IFRD2: variants seen among roughly 807,000 people sequenced by gnomAD.
IFRD2 encodes interferon-related developmental regulator 2.
IFRD2 carries 35 observed loss-of-function variants against 49.2 expected under a neutral mutation model. The ratio of observed to expected loss-of-function variants is 0.71; its 90% CI spans 0.54 to 0.94. The LOEUF (loss-of-function observed/expected upper bound fraction) is 0.94. IFRD2 is among the 40% of genes least tolerant of loss of function. The pLI is 0.00. For synonymous variants in IFRD2, 275 were observed against 239.7 expected (o/e 1.15, Z -1.36); for missense variants, 561 against 591.6 (o/e 0.95, Z 0.54).
At chr3:50,289,670 C>A in intron 6 of IFRD2, 42 bp from the exon 7 acceptor site, 1 of 1,594,956 alleles carries the variant, frequency 6.3e-7, no homozygotes, top group Non-Finnish European at 8.5e-7. Context: ...GGCAGAGTTA[C>A]AGCCCTAGAT....
rs1222453128 is a variant in IFRD2, at chr3:50,288,209, C to T, written c.1311G>A (p.Lys437=). Residue 437 remains lysine, a synonymous_variant, in exon 12 of 12, where the codon AAG becomes AAA. Transcript: ENST00000417626. Reference sequence around the variant, plus strand: ...TCCTGCTTCACAGGATGTCTGCCCGCTTGTCCCGCACACGGCTTCGAGCCT... The same window carrying T: ...TCCTGCTTCACAGGATGTCTGCCCGTTTGTCCCGCACACGGCTTCGAGCCT... ...RTKARSRVRD[K]RADIL 3 of 1,613,876 alleles carry T rather than the reference C, an allele frequency of 1.9e-6. No individual in the cohort carries two copies. The highest frequency in any genetic ancestry group is 2.5e-6 in the Non-Finnish European group (3 of 1,179,788).
At position 50,290,651 on chromosome 3, in the gene IFRD2, C is replaced by T. The variant is rs782241789; in HGVS notation, c.87G>A (p.Ser29=). Residue 29 remains serine (S), a synonymous_variant, in exon 2 of 12, where the codon TCG becomes TCA. Coordinates refer to ENST00000417626, the MANE Select transcript of IFRD2 (RefSeq NM_006764.5). The stretch of plus-strand genomic sequence containing the variant: ...TGGCTGCCTCATCGTCACTGGAACC[C>T]GAGTCAGCTTGGGCACTGCTCCGGG... ...GGARSSAQAD[S]GSSDDEAASE... 1.3e-4 allele frequency: 202 copies of T among 1,613,792 alleles called. No individual in the cohort carries two copies. The highest frequency in any genetic ancestry group is 2.7e-4 in the East Asian group (12 of 44,904).
At chr3:50,292,105 G>A in intron 1 of IFRD2, 112 bp downstream of exon 1, 1 of 1,175,238 alleles carries the variant, frequency 8.5e-7, no homozygotes. Flanking sequence ...GAAGCTGCGT[G>A]GGGCTGGCCG....
chr3:50,292,036 T>G, intron 1 of IFRD2, 181 bp downstream of exon 1: 1 of 637,414 alleles, frequency 1.6e-6, no homozygotes, highest in Non-Finnish European at 2.5e-6. Context: ...CGAGCTCAAG[T>G]TGGGCACGCA....
At position 50,289,279 on chromosome 3, in the gene IFRD2, G is replaced by C; in HGVS notation, c.861C>G (p.Leu287=). 1 of 1,587,432 alleles carries C rather than the reference G, an allele frequency of 6.3e-7. No individual in the cohort carries two copies. Among genetic ancestry groups the C allele is most frequent in the Non-Finnish European group, 8.6e-7 (1 of 1,167,136 alleles). ...CCTCAAGGTCCCGGGCAAGCTCAAA[G>C]AGCAGTGCAATGGTTTCACCGGCAG... ...RIAAGETIAL[L]FELARDLEEE... The change falls in exon 8 of 12, where the codon CTC becomes CTG. Residue 287 remains leucine, a synonymous_variant. Coordinates refer to ENST00000417626, the MANE Select transcript of IFRD2 (RefSeq NM_006764.5).
intron 1 of IFRD2, chr3:50,291,923 C>CT: frequency 2.2e-6 from 1 of 449,430 alleles, no homozygotes; most frequent in Non-Finnish European, 3.9e-6. Context: ...GGACTGGCTT[C>CT]CTGCCCTGTC....
At chr3:50,291,447 G>A (rs1323798544) in intron 1 of IFRD2, among the ~76,000 whole-genome samples, 2 of 152,060 alleles carry the variant, frequency 1.3e-5, no homozygotes. Context: ...GACTCACCCA[G>A]AAGCACTTCC....
intron 1 of IFRD2, among the ~76,000 whole-genome samples, chr3:50,291,091 C>A (rs894728591): frequency 6.7e-6 from 1 of 149,846 alleles, no homozygotes; most frequent in African/African-American, 2.5e-5. Flanking sequence ...CGGCTCACTG[C>A]GACCTCTGCC....
At position 50,290,372 on chromosome 3, in the gene IFRD2, T is replaced by C; in HGVS notation, c.263+16A>G. On this transcript the variant is annotated intron_variant, in intron 3 of 11. Coordinates refer to ENST00000417626, the MANE Select transcript of IFRD2 (RefSeq NM_006764.5). ...CTTGGAGCTGGGTGTAGGAGTTGGC[T>C]GGCAGCCAGGGGTACCTCTTGTCTG... The C allele has an allele frequency of 6.3e-7, 1 of 1,589,858 alleles. No homozygotes were observed. Among genetic ancestry groups the C allele is most frequent in the Non-Finnish European group, 8.6e-7 (1 of 1,167,824 alleles).
chr3:50,291,092 G>A (rs1236607434), intron 1 of IFRD2, among the ~76,000 whole-genome samples: 1 of 146,976 alleles, frequency 6.8e-6, no homozygotes, highest in Non-Finnish European at 1.5e-5. Context: ...GGCTCACTGC[G>A]ACCTCTGCCT....
At position 50,290,573 on chromosome 3, in the gene IFRD2, T is replaced by C. The variant is rs782155853; in HGVS notation, c.165A>G (p.Ala55=). 3 of 1,613,864 alleles carry C rather than the reference T, an allele frequency of 1.9e-6. No homozygotes were observed. The highest frequency in any genetic ancestry group is 2.5e-6 in the Non-Finnish European group (3 of 1,179,884). The change falls in exon 2 of 12, where the codon GCA becomes GCG. Residue 55 remains alanine (A), a synonymous_variant. Transcript: ENST00000417626. The stretch of plus-strand genomic sequence containing the variant: ...ACCCGCTCTCACCAAGGCTGTCCTC[T>C]GCAGTGGTGCTGAGAAGGCTGGGGC... ...SECPSLLSTT[A]EDSLGGDVVD...
rs1553709135 is a variant in IFRD2 at position 50,288,933 on chromosome 3, T to C, written c.890A>G (p.Glu297Gly). 1.9e-6 allele frequency: 3 copies of C among 1,612,112 alleles called. No homozygotes were observed. Among genetic ancestry groups the C allele is most frequent in the Non-Finnish European group, 1.7e-6 (2 of 1,178,974 alleles). ...GGCCTCCATGTCCTCGTAAACAAAC[T>C]CCTCCTGCAATGGGAGCATTGGAGG... ...LFELARDLEE[E>G]FVYEDMEALC... Residue 297 changes from glutamate to glycine, a missense_variant, in exon 9 of 12, where the codon GAG becomes GGG. By Grantham distance (98) the Glu-to-Gly change is moderately conservative. Transcript: ENST00000417626.
intron 11 of IFRD2, 39 bp from the exon 12 acceptor site, chr3:50,288,310 G>A: frequency 9.3e-6 from 15 of 1,608,288 alleles, no homozygotes; most frequent in Non-Finnish European, 1.3e-5. Context: ...GGGGAGCTGG[G>A]AAGGGAAAGG....
At position 50,292,391 on chromosome 3, in the gene IFRD2, C is replaced by A. The variant is rs1553709973; in HGVS notation, c.-117G>T. The A allele has an allele frequency of 3.2e-6, 5 of 1,586,342 alleles. No homozygotes were observed. The highest frequency in any genetic ancestry group is 2.3e-5 in the South Asian group (2 of 88,844). On this transcript the variant is annotated 5_prime_UTR_variant, in exon 1 of 12. Coordinates refer to ENST00000417626, the MANE Select transcript of IFRD2 (RefSeq NM_006764.5). Reference sequence around the variant, plus strand: ...ACTTGGCCAGACGACGGGAGCCACACGCCACGCGCGCCACCATCTTCGCGA... The same window carrying A: ...ACTTGGCCAGACGACGGGAGCCACAAGCCACGCGCGCCACCATCTTCGCGA...
At chr3:50,291,604 G>A (rs1701674654) in intron 1 of IFRD2, among the ~76,000 whole-genome samples, 1 of 152,096 alleles carries the variant, frequency 6.6e-6, no homozygotes, top group African/African-American at 2.4e-5. Context: ...TCCTGTGCCC[G>A]GCCCTCCTCC....
chr3:50,289,645 G>A lies in IFRD2; in HGVS notation c.598-17C>T. The A allele has an allele frequency of 6.3e-7, 1 of 1,598,062 alleles. No homozygotes were observed. The highest frequency in any genetic ancestry group is 2.3e-5 in the East Asian group (1 of 44,110). Reference sequence around the variant, plus strand: ...GACCAGGTCCTAGGAGCACAGAGAGGCAGGGGAGCTCAGAGGCAGAGTTAC... The same window carrying A: ...GACCAGGTCCTAGGAGCACAGAGAGACAGGGGAGCTCAGAGGCAGAGTTAC... On this transcript the variant is annotated splice_polypyrimidine_tract_variant and intron_variant, in intron 6 of 11. Coordinates refer to ENST00000417626, the MANE Select transcript of IFRD2 (RefSeq NM_006764.5).
rs1330576878 is a variant in IFRD2 at position 50,290,636 on chromosome 3, ATC to A, written c.100_101del (p.Asp34Ter). 1 of 1,613,802 alleles carries A rather than the reference ATC, an allele frequency of 6.2e-7. No homozygotes were observed. The highest frequency in any genetic ancestry group is 2.2e-5 in the East Asian group (1 of 44,904). On this transcript the variant is annotated frameshift_variant, in exon 2 of 12. Coordinates refer to ENST00000417626, the MANE Select transcript of IFRD2 (RefSeq NM_006764.5). LOFTEE classifies it high-confidence loss of function. Reference sequence around the variant, plus strand: ...TGCTGCGGGCCTCACTGGCTGCCTCATCGTCACTGGAACCCGAGTCAGCTTGG... The same window carrying A: ...TGCTGCGGGCCTCACTGGCTGCCTCAGTCACTGGAACCCGAGTCAGCTTGG... ...SAQADSGSSD[D>X]EAASEARSTA... is the part of the protein sequence containing the mutation.
rs1553709992 is a variant in IFRD2 at position 50,292,413 on chromosome 3, GC to G, written c.-140del. The G allele has an allele frequency of 6.3e-7, 1 of 1,595,668 alleles. No homozygotes were observed. The highest frequency in any genetic ancestry group is 1.7e-5 in the Admixed American group (1 of 58,976). ...ACACGCCACGCGCGCCACCATCTTC[GC>G]GAGGCGCCCCGCCCTGCCAAACAGG... On this transcript the variant is annotated 5_prime_UTR_variant, in exon 1 of 12. Transcript: ENST00000417626.
At chr3:50,291,484 TG>T (rs1553709803) in intron 1 of IFRD2, among the ~76,000 whole-genome samples, 3 of 152,142 alleles carry the variant, frequency 2.0e-5, no homozygotes. Flanking sequence ...GTCCTAAGTC[TG>T]GGGCTGACAC....
Sources: gnomAD v4.1 joint callset for allele counts (sites outside exome capture counted in the v4.1 genomes callset) on GRCh38, gnomAD v4.1.1 for gene constraint, MANE v1.5 for transcripts, NCBI Gene and HGNC (gene_info 2026-07-23, HGNC 2026-07-21) for gene names.